SMARCA4: variants seen among roughly 807,000 people sequenced by gnomAD.
SMARCA4 encodes SWI/SNF-related matrix-associated actin-dependent regulator of chromatin subfamily A member 4.
In SMARCA4, 31 loss-of-function variants were observed where a neutral mutation model predicts 193.9. That is an observed-to-expected ratio of 0.16 (90% confidence interval 0.12 to 0.22). The LOEUF (loss-of-function observed/expected upper bound fraction) is 0.22. SMARCA4 is among the 10% of genes least tolerant of loss of function. The probability of loss-of-function intolerance (pLI) is 1.00; values close to 1 mark genes in which losing one functional copy is unlikely to be tolerated. For missense variants in SMARCA4, 1,148 were observed against 2,296.0 expected (o/e 0.50, Z 10.22); for synonymous variants, 942 against 933.1 (o/e 1.01, Z -0.17).
Position 11,032,909 on chromosome 19 carries a change from G to T in SMARCA4, c.3547-381G>T, listed in dbSNP as rs942749849. On this transcript the variant is annotated intron_variant, in intron 25 of 34. Transcript: ENST00000344626. The stretch of plus-strand genomic sequence containing the variant: ...GCCAAACCAAGCACTGCCACAACAC[G>T]GCCGAGCTTCGGCCCCCTGTTGTAA... Among the ~76,000 whole-genome samples, 8 of 152,338 alleles carry T rather than the reference G, an allele frequency of 5.3e-5. No homozygotes were observed. The East Asian group carries it at 1.5e-3, about 29-fold the overall frequency.
chr19:10,976,407 C>G (rs910573457), intron 1 of SMARCA4, among the ~76,000 whole-genome samples: 1 of 152,108 alleles, frequency 6.6e-6, no homozygotes, highest in African/African-American at 2.4e-5. Context: ...CTGAGAACAA[C>G]ACCATGCTTA....
At chr19:10,972,372 A>G (rs1356415637) in intron 1 of SMARCA4, among the ~76,000 whole-genome samples, 1 of 150,434 alleles carries the variant, frequency 6.6e-6, no homozygotes, top group African/African-American at 2.4e-5. Flanking sequence ...TTGGGATTAC[A>G]GGCATGAGCC....
intron 9 of SMARCA4, chr19:10,995,307 C>G (rs1473539480): frequency 3.6e-6 from 2 of 559,564 alleles, no homozygotes; most frequent in Admixed American, 4.4e-5. Context: ...TCCAGACCCC[C>G]GACCCCTAGC....
rs377185006 is a variant in SMARCA4, at chr19:10,962,297, CATT to C, written c.-32+1124_-32+1126del. ...TGTAATTGTCTGGTCCAATCTCCCT[CATT>C]GTTCAGCAGATAACTTCTTGAGGCC... On this transcript the variant is annotated intron_variant, in intron 1 of 34. Coordinates refer to ENST00000344626, the MANE Select transcript of SMARCA4 (RefSeq NM_003072.5). Among the ~76,000 whole-genome samples, 270 of 152,270 alleles carry C rather than the reference CATT, an allele frequency of 1.8e-3. 1 individual carries two copies. Among genetic ancestry groups the C allele is most frequent in the Middle Eastern group, 6.8e-3 (2 of 294 alleles).
chr19:11,049,797 G>A (rs1016951805), intron 30 of SMARCA4, among the ~76,000 whole-genome samples: 2 of 152,192 alleles, frequency 1.3e-5, no homozygotes, highest in Non-Finnish European at 2.9e-5. Context: ...GGGCAGAGAT[G>A]CTGCTACAAT....
intron 13 of SMARCA4, 131 bp downstream of exon 13, chr19:11,003,528 C>T: frequency 2.3e-6 from 2 of 865,276 alleles, no homozygotes; most frequent in Admixed American, 3.6e-5. Context: ...CCCAGGCCTG[C>T]CCGAAGTCGG....
rs1398081229 is a variant in SMARCA4 at position 11,059,736 on chromosome 19, C to A, written c.4636-17C>A. 6.4e-7 allele frequency: 1 copy of A among 1,556,638 alleles called. No homozygotes were observed. On this transcript the variant is annotated splice_polypyrimidine_tract_variant and intron_variant, in intron 32 of 34. Transcript: ENST00000344626. Reference sequence around the variant, plus strand: ...CAGTCGGGCCCATCCACTCAAGCCCCTGGTGTCTCTGCCCAGATCTATGAA... The same window carrying A: ...CAGTCGGGCCCATCCACTCAAGCCCATGGTGTCTCTGCCCAGATCTATGAA...
chr19:10,985,317 C>T lies in SMARCA4; in HGVS notation c.267C>T (p.Arg89=), dbSNP rs551739868. 39 of 1,614,060 alleles carry T rather than the reference C, an allele frequency of 2.4e-5. 3 individuals carry two copies. The South Asian group carries it at 4.1e-4, about 17-fold the overall frequency. ...AGAAGGGCATGTCGGACGACCCGCGCTACAACCAGATGAAAGGAATGGGGA... is the reference window on the plus strand; with the variant it reads ...AGAAGGGCATGTCGGACGACCCGCGTTACAACCAGATGAAAGGAATGGGGA... The part of the protein sequence containing the change: ...MHEKGMSDDP[R]YNQMKGMGMR... Residue 89 remains arginine, a synonymous_variant, in exon 3 of 35, where the codon CGC becomes CGT. Coordinates refer to ENST00000344626, the MANE Select transcript of SMARCA4 (RefSeq NM_003072.5). This position sits in a 1 kb window ranked among gnomAD's most constrained non-coding sequence, Gnocchi z 4.5.
intron 7 of SMARCA4, among the ~76,000 whole-genome samples, chr19:10,990,309 T>C (rs139353178): frequency 2.4e-3 from 358 of 152,182 alleles, no homozygotes; most frequent in Non-Finnish European, 3.6e-3. Context: ...TGCACCACCA[T>C]GCCGGGCTGA....
intron 16 of SMARCA4, among the ~76,000 whole-genome samples, chr19:11,016,483 T>A (rs1017936112): frequency 6.6e-6 from 1 of 152,236 alleles, no homozygotes; most frequent in Admixed American, 6.5e-5. Flanking sequence ...ACAAATTAAT[T>A]GGAATTCCAC....
In SMARCA4 at chr19:10,978,177, C is replaced by T. The variant is rs546325191; in HGVS notation, c.-31-5944C>T. The stretch of plus-strand genomic sequence containing the variant: ...TAAATCACAGGGAGGTGAAGGCAAG[C>T]CACAGTCCCCGCTGGATTTGCAAAT... On this transcript the variant is annotated intron_variant, in intron 1 of 34. Coordinates refer to ENST00000344626, the MANE Select transcript of SMARCA4 (RefSeq NM_003072.5). Among the ~76,000 whole-genome samples, 5 of 152,314 alleles carry T rather than the reference C, an allele frequency of 3.3e-5. No individual in the cohort carries two copies. The South Asian group carries it at 6.2e-4, about 19-fold the overall frequency.
At chr19:11,037,048 G>C (rs1439903716) in intron 29 of SMARCA4, among the ~76,000 whole-genome samples, 2 of 152,168 alleles carry the variant, frequency 1.3e-5, no homozygotes, top group African/African-American at 4.8e-5. Context: ...GGACACTTGG[G>C]TTGTATCCAC....
rs778369345 is a variant in SMARCA4 at position 11,025,484 on chromosome 19, C to T, written c.3144C>T (p.His1048=). 5 of 1,613,134 alleles carry T rather than the reference C, an allele frequency of 3.1e-6. No homozygotes were observed. In the African/African-American group the frequency reaches 6.7e-5, roughly 22 times the overall value. Residue 1048 remains histidine, a synonymous_variant, in exon 22 of 35, where the codon CAC becomes CAT. Coordinates refer to ENST00000344626, the MANE Select transcript of SMARCA4 (RefSeq NM_003072.5). ...TGCAGCTGCGGAAGATCTGCAACCACCCCTACATGTTCCAGCACATCGAGG... is the reference window on the plus strand; with the variant it reads ...TGCAGCTGCGGAAGATCTGCAACCATCCCTACATGTTCCAGCACATCGAGG... ...TIMQLRKICN[H]PYMFQHIEES... is the part of the protein sequence containing the mutation.
intron 16 of SMARCA4, among the ~76,000 whole-genome samples, chr19:11,016,280 G>A (rs1451510840): frequency 6.6e-6 from 1 of 152,124 alleles, no homozygotes; most frequent in Non-Finnish European, 1.5e-5. Flanking sequence ...GGCCGTTCAC[G>A]AGGGAGGCCC....
chr19:11,056,202 C>T (rs763826445), intron 30 of SMARCA4: 12 of 152,208 alleles, frequency 7.9e-5, no homozygotes, highest in Non-Finnish European at 1.2e-4. Context: ...AGAGGGGAGT[C>T]GTGTCTTTCT....
At chr19:10,982,503 T>C (rs1406122320) in intron 1 of SMARCA4, among the ~76,000 whole-genome samples, 1 of 129,750 alleles carries the variant, frequency 7.7e-6, no homozygotes, top group Admixed American at 7.8e-5. Flanking sequence ...AAAATAGAAC[T>C]TTTTTTTTTT....
chr19:11,026,637 T>A (rs1470477640), intron 23 of SMARCA4, among the ~76,000 whole-genome samples: 1 of 151,840 alleles, frequency 6.6e-6, no homozygotes, highest in African/African-American at 2.4e-5. Flanking sequence ...GTAGCTGGGA[T>A]TACCGGCACC....
intron 1 of SMARCA4, among the ~76,000 whole-genome samples, chr19:10,962,093 A>G (rs1198510663): frequency 6.6e-6 from 1 of 151,518 alleles, no homozygotes; most frequent in Non-Finnish European, 1.5e-5. Flanking sequence ...GGCTGCATTC[A>G]AGCTTGATTC....
At chr19:11,059,232 C>T (rs2076720611) in intron 32 of SMARCA4, 1 of 310,800 alleles carries the variant, frequency 3.2e-6, no homozygotes, top group East Asian at 7.9e-5. Context: ...TCAGAGTCCT[C>T]TGTCTGTTGG....
Sources: allele counts gnomAD v4.1 joint callset (sites outside exome capture counted in the v4.1 genomes callset), GRCh38; gene constraint gnomAD v4.1.1; non-coding constraint Gnocchi (gnomAD v3.1); transcripts MANE v1.5; gene names NCBI Gene and HGNC (gene_info 2026-07-23, HGNC 2026-07-21).